The following DLG2 variants were observed in gnomAD, a reference collection of about 807,000 sequenced individuals.
DLG2 encodes the protein disks large homolog 2.
In DLG2, 45 loss-of-function variants were observed where a neutral mutation model predicts 132.5. The observed-to-expected ratio is 0.34, with a 90% CI of 0.27 to 0.44. The LOEUF is 0.44. DLG2 is among the 20% of genes least tolerant of loss of function. The pLI is 1.00. For synonymous variants in DLG2, 424 were observed against 419.6 expected (o/e 1.01, Z -0.13); for missense variants, 1,045 against 1,196.9 (o/e 0.87, Z 1.87).
intron 6 of DLG2, among the ~76,000 whole-genome samples, chr11:85,052,156 T>C (rs1593272036): frequency 6.6e-6 from 1 of 152,304 alleles, no homozygotes; most frequent in East Asian, 1.9e-4. Flanking sequence ...TTCTCTAATG[T>C]TGAAAATGTC....
intron 16 of DLG2, among the ~76,000 whole-genome samples, chr11:83,856,865 T>G (rs988877592): frequency 3.9e-5 from 6 of 152,346 alleles, no homozygotes; most frequent in Non-Finnish European, 8.8e-5. Flanking sequence ...TTTGGTGTAA[T>G]TGCTTTTGGC....
intron 6 of DLG2, among the ~76,000 whole-genome samples, chr11:85,007,612 G>GC (rs1417124961): frequency 1.4e-5 from 2 of 141,460 alleles, no homozygotes; most frequent in African/African-American, 5.3e-5. Context: ...ATTGCAGTGA[G>GC]CCGTGATTGG....
At chr11:83,999,123 G>T (rs1592727028) in intron 11 of DLG2, among the ~76,000 whole-genome samples, 1 of 152,150 alleles carries the variant, frequency 6.6e-6, no homozygotes, top group East Asian at 1.9e-4. Context: ...CTGGTGGCCT[G>T]GGAATCATGA....
At chr11:83,912,865 CAGAT>C (rs1277574933) in intron 15 of DLG2, among the ~76,000 whole-genome samples, 9 of 152,086 alleles carry the variant, frequency 5.9e-5, no homozygotes, top group African/African-American at 2.2e-4. Context: ...TGGAATTACA[CAGAT>C]AGAATATTTT....
intron 7 of DLG2, among the ~76,000 whole-genome samples, chr11:84,276,140 C>T (rs984871349): frequency 2.6e-5 from 4 of 152,154 alleles, no homozygotes; most frequent in African/African-American, 9.7e-5. Flanking sequence ...TTACCTTTAA[C>T]CAACTCACAG....
intron 18 of DLG2, among the ~76,000 whole-genome samples, chr11:83,785,541 GA>G (rs767246313): frequency 2.0e-5 from 3 of 152,116 alleles, no homozygotes; most frequent in Non-Finnish European, 4.4e-5. Flanking sequence ...GGCCACATAG[GA>G]AAAAACATTT....
intron 4 of DLG2, among the ~76,000 whole-genome samples, chr11:85,226,095 A>C (rs969202372): frequency 3.3e-5 from 5 of 151,908 alleles, no homozygotes; most frequent in Non-Finnish European, 4.4e-5. Flanking sequence ...GAGTTCAATC[A>C]TTGCTCTGCA....
intron 19 of DLG2, among the ~76,000 whole-genome samples, chr11:83,556,721 A>G (rs768821226): frequency 1.3e-5 from 2 of 152,208 alleles, no homozygotes; most frequent in Non-Finnish European, 2.9e-5. Context: ...ATAAGGAAGT[A>G]ATTGGGAAAC....
At chr11:83,680,509 C>T (rs2078593153) in intron 18 of DLG2, among the ~76,000 whole-genome samples, 1 of 152,104 alleles carries the variant, frequency 6.6e-6, no homozygotes, top group South Asian at 2.1e-4. Context: ...ATCATTATTG[C>T]TCTATCCAGA....
intron 18 of DLG2, among the ~76,000 whole-genome samples, chr11:83,737,346 G>C (rs2092031017): frequency 6.6e-6 from 1 of 152,124 alleles, no homozygotes; most frequent in Non-Finnish European, 1.5e-5. Flanking sequence ...GTGAGTGGAG[G>C]AGAAAAGCAA....
intron 4 of DLG2, among the ~76,000 whole-genome samples, chr11:85,166,878 T>C (rs2152485546): frequency 6.6e-6 from 1 of 152,308 alleles, no homozygotes; most frequent in South Asian, 2.1e-4. Context: ...ACTTTAAATG[T>C]ATTCATCTTT....
intron 3 of DLG2, among the ~76,000 whole-genome samples, chr11:85,348,721 T>G (rs2083055296): frequency 6.6e-6 from 1 of 152,110 alleles, no homozygotes; most frequent in Admixed American, 6.5e-5. Context: ...GCCAGAAATT[T>G]AGGAGTCATT....
chr11:84,716,213 G>A (rs554285743), intron 6 of DLG2, among the ~76,000 whole-genome samples: 1 of 151,982 alleles, frequency 6.6e-6, no homozygotes, highest in South Asian at 2.1e-4. Flanking sequence ...TGTCTCCTTT[G>A]AAGAAGTGTC....
chr11:85,494,034 A>G (rs2093619443), intron 3 of DLG2, among the ~76,000 whole-genome samples: 1 of 152,084 alleles, frequency 6.6e-6, no homozygotes, highest in African/African-American at 2.4e-5. Flanking sequence ...ATGACAGGAG[A>G]GAAAGAAGGG....
At chr11:84,714,944 A>C (rs116532787) in intron 6 of DLG2, among the ~76,000 whole-genome samples, 1,654 of 151,730 alleles carry the variant, frequency 0.011, 35 homozygotes, top group African/African-American at 0.038. Context: ...CTTCCATTTT[A>C]ACCTTCCACT....
chr11:84,186,632 G>A (rs906474381), intron 8 of DLG2, among the ~76,000 whole-genome samples: 8 of 151,782 alleles, frequency 5.3e-5, no homozygotes, highest in African/African-American at 1.5e-4. Flanking sequence ...AGAGTTCTAC[G>A]AATATTAGAT....
At chr11:83,895,242 C>T (rs2071288234) in intron 15 of DLG2, among the ~76,000 whole-genome samples, 1 of 148,224 alleles carries the variant, frequency 6.7e-6, no homozygotes, top group Non-Finnish European at 1.5e-5. Context: ...TCACCGCAAC[C>T]TCCGCCTCCA....
chr11:84,738,279 C>A (rs955981866), intron 6 of DLG2, among the ~76,000 whole-genome samples: 5 of 151,540 alleles, frequency 3.3e-5, no homozygotes, highest in African/African-American at 1.2e-4. Context: ...TTCTTAGTAG[C>A]TACTCTGTTG....
intron 7 of DLG2, among the ~76,000 whole-genome samples, chr11:84,318,099 G>T (rs891575929): frequency 1.3e-5 from 2 of 152,130 alleles, no homozygotes; most frequent in Non-Finnish European, 2.9e-5. Flanking sequence ...TAAAGTGAAA[G>T]ATGCATCCAA....
Sources: allele counts gnomAD v4.1 joint callset (sites outside exome capture counted in the v4.1 genomes callset), GRCh38; gene constraint gnomAD v4.1.1; transcripts MANE v1.5; gene names NCBI Gene and HGNC (gene_info 2026-07-23, HGNC 2026-07-21).